Variants in ART3 observed in about 807,000 individuals in gnomAD.
ART3 encodes ecto-ADP-ribosyltransferase 3.
A neutral mutation model predicts 48.5 loss-of-function variants in ART3; 49 were observed. That is an observed-to-expected ratio of 1.01 (90% CI 0.80 to 1.28). ART3 has a LOEUF of 1.28. Ranked by LOEUF, ART3 falls within the 50% of genes most tolerant of loss-of-function variation. The pLI, the probability that ART3 is intolerant of heterozygous loss-of-function variation, is 0.00. For synonymous variants in ART3, 145 were observed against 157.2 expected (o/e 0.92, Z 0.58); for missense variants, 438 against 454.3 (o/e 0.96, Z 0.33).
intron 1 of ART3, chr4:76,034,049 C>G: frequency 6.1e-6 from 1 of 163,730 alleles, no homozygotes; most frequent in Non-Finnish European, 1.3e-5. Context: ...ACTGGTGCTA[C>G]TAATTTGGTT....
chr4:76,103,874 A>G, intron 8 of ART3, 63 bp from the exon 9 acceptor site: 1 of 1,430,022 alleles, frequency 7.0e-7, no homozygotes, highest in South Asian at 1.3e-5. Context: ...TATAGACAAA[A>G]GAAGAGTATT....
At chr4:76,025,862 A>G (rs1212110406) in intron 1 of ART3, among the ~76,000 whole-genome samples, 2 of 152,112 alleles carry the variant, frequency 1.3e-5, no homozygotes, top group African/African-American at 2.4e-5. Flanking sequence ...AGATTTTTTT[A>G]TAATTTTTTT....
At chr4:76,101,745 C>A (rs1485541048) in intron 8 of ART3, among the ~76,000 whole-genome samples, 2 of 148,620 alleles carry the variant, frequency 1.3e-5, no homozygotes, top group African/African-American at 2.6e-5. Flanking sequence ...GAGTGAGACT[C>A]CATCTTGGAA....
chr4:76,036,041 C>G (rs1462356862), intron 1 of ART3: 2 of 1,556,510 alleles, frequency 1.3e-6, no homozygotes, highest in Non-Finnish European at 1.8e-6. Context: ...AGCTTTGCTG[C>G]TCTTCTTGGA....
upstream of ART3, among the ~76,000 whole-genome samples, chr4:76,072,882 A>G (rs547478313): frequency 1.3e-5 from 2 of 152,256 alleles, no homozygotes; most frequent in South Asian, 2.1e-4. Context: ...TGACTGCCAC[A>G]GTCTTCATGG....
intron 1 of ART3, among the ~76,000 whole-genome samples, chr4:76,052,495 T>C (rs1736207783): frequency 6.6e-6 from 1 of 152,116 alleles, no homozygotes; most frequent in Non-Finnish European, 1.5e-5. Flanking sequence ...AAATATAATT[T>C]TGTTACATGG....
intron 1 of ART3, among the ~76,000 whole-genome samples, chr4:76,035,649 A>G (rs185374934): frequency 6.6e-4 from 101 of 152,376 alleles, no homozygotes; most frequent in Non-Finnish European, 1.2e-3. Flanking sequence ...TGATCGCTAT[A>G]TAAAATCTTC....
chr4:76,011,527 C>CTTAG (rs1465090094), intron 1 of ART3, among the ~76,000 whole-genome samples: 4 of 152,224 alleles, frequency 2.6e-5, no homozygotes, highest in Non-Finnish European at 5.9e-5. Flanking sequence ...GGGCACTGGG[C>CTTAG]TTAGGGGTAA....
At chr4:76,106,963 A>G (rs1255135633) in intron 10 of ART3, among the ~76,000 whole-genome samples, 2 of 152,214 alleles carry the variant, frequency 1.3e-5, no homozygotes, top group Non-Finnish European at 2.9e-5. Context: ...ACATTCAGTA[A>G]AAACCATACT....
At chr4:76,071,907 AT>A (rs541900815), upstream of ART3, among the ~76,000 whole-genome samples, 4 of 151,000 alleles carry the variant, frequency 2.6e-5, no homozygotes, top group Non-Finnish European at 3.0e-5. Flanking sequence ...AAGTCTAAAC[AT>A]TTTTTTTTGT....
chr4:76,043,071 T>C (rs1735133866), intron 1 of ART3, among the ~76,000 whole-genome samples: 1 of 151,762 alleles, frequency 6.6e-6, no homozygotes, highest in Admixed American at 6.6e-5. Context: ...AGAGTGTCGA[T>C]TGGTGCATTC....
At chr4:76,052,910 G>A (rs1019469561) in intron 1 of ART3, among the ~76,000 whole-genome samples, 6 of 151,788 alleles carry the variant, frequency 4.0e-5, no homozygotes, top group African/African-American at 7.3e-5. Flanking sequence ...TGTATTTTTA[G>A]TAGAGACGGG....
intron 1 of ART3, chr4:76,035,941 G>A: frequency 6.2e-7 from 1 of 1,613,714 alleles, no homozygotes; most frequent in Non-Finnish European, 8.5e-7. Flanking sequence ...AACAACTGTA[G>A]CACACAATAT....
intron 3 of ART3, among the ~76,000 whole-genome samples, chr4:76,087,130 G>C (rs1424513091): frequency 6.6e-6 from 1 of 152,168 alleles, no homozygotes; most frequent in Non-Finnish European, 1.5e-5. Flanking sequence ...GTAGCACAGG[G>C]GTCTGGTTGA....
chr4:76,104,974 A>G (rs1434505097), intron 10 of ART3, among the ~76,000 whole-genome samples: 1 of 152,204 alleles, frequency 6.6e-6, no homozygotes, highest in African/African-American at 2.4e-5. Context: ...ACTTCACGTA[A>G]CGCTGCTGTC....
intron 1 of ART3, among the ~76,000 whole-genome samples, chr4:76,057,159 A>G (rs1466635513): frequency 6.6e-6 from 1 of 152,162 alleles, no homozygotes; most frequent in Admixed American, 6.5e-5. Context: ...GGTTCATAAT[A>G]TTGATATGTG....
chr4:76,053,201 C>T (rs1389132188), intron 1 of ART3, among the ~76,000 whole-genome samples: 1 of 152,184 alleles, frequency 6.6e-6, no homozygotes, highest in Admixed American at 6.5e-5. Flanking sequence ...TGATCACGTA[C>T]AGGTTATCTC....
chr4:76,022,953 C>T (rs1733006570), intron 1 of ART3: 3 of 806,056 alleles, frequency 3.7e-6, no homozygotes, highest in East Asian at 2.5e-5. Flanking sequence ...GAATGGATCA[C>T]ATCATAACAC....
At chr4:76,039,508 A>G (rs1734753912) in intron 1 of ART3, among the ~76,000 whole-genome samples, 1 of 152,216 alleles carries the variant, frequency 6.6e-6, no homozygotes, top group Non-Finnish European at 1.5e-5. Context: ...AAACACAACC[A>G]CTTAATAAAA....
Sources: allele counts gnomAD v4.1 joint callset (sites outside exome capture counted in the v4.1 genomes callset), GRCh38; gene constraint gnomAD v4.1.1; transcripts MANE v1.5; gene names NCBI Gene and HGNC (gene_info 2026-07-23, HGNC 2026-07-21).